The following LRRC8A variants were observed in gnomAD, a reference collection of about 807,000 sequenced individuals.
LRRC8A encodes the protein volume-regulated anion channel subunit LRRC8A.
A neutral mutation model predicts 52.5 loss-of-function variants in LRRC8A; 24 were observed. That is an observed-to-expected ratio of 0.46 (90% CI 0.33 to 0.64). The LOEUF (loss-of-function observed/expected upper bound fraction) is 0.64, where lower values mean the gene tolerates loss of function less well. Ranked by LOEUF, LRRC8A falls within the 30% of genes least tolerant of loss-of-function variation. The probability of loss-of-function intolerance (pLI) is 0.02; values close to 1 mark genes in which losing one functional copy is unlikely to be tolerated. For missense variants in LRRC8A, 677 were observed against 1,094.7 expected, an observed-to-expected ratio of 0.62 and a Z score of 5.38; for synonymous variants, 492 against 494.2, an observed-to-expected ratio of 1.00 and a Z score of 0.06.
intron 1 of LRRC8A, chr9:128,884,908 TGCCCTCCCA>T: frequency 6.6e-6 from 1 of 152,522 alleles, no homozygotes; most frequent in South Asian, 2.1e-4. Flanking sequence ...CTTCCATGTC[TGCCCTCCCA>T]GCACAGGGCC....
At chr9:128,897,446 G>C (rs1020215598) in intron 2 of LRRC8A, among the ~76,000 whole-genome samples, 10 of 151,802 alleles carry the variant, frequency 6.6e-5, no homozygotes, top group Non-Finnish European at 4.4e-5. Flanking sequence ...CTCCTGAGGT[G>C]ATCAGCCCAC....
At chr9:128,893,209 C>G (rs1021744768) in intron 2 of LRRC8A, among the ~76,000 whole-genome samples, 2 of 151,980 alleles carry the variant, frequency 1.3e-5, no homozygotes, top group African/African-American at 4.8e-5. Flanking sequence ...CGAGGTTCTG[C>G]GAGTCCTGGG....
Position 128,902,109 on chromosome 9 carries a change from G to C in LRRC8A, c.-8-5048G>C, listed in dbSNP as rs2130992788. On this transcript the variant is annotated intron_variant, in intron 2 of 3. Coordinates refer to ENST00000372600, the MANE Select transcript of LRRC8A (RefSeq NM_019594.4). This position sits in a 1 kb window ranked among gnomAD's most constrained non-coding sequence, Gnocchi z 4.1. ...CTTCTCAGCTCTGCAGCCAGCCCCA[G>C]GCTCTGCCATTGGAACCCCAGGGCC... Among the ~76,000 whole-genome samples, 1 of 152,344 alleles carries C rather than the reference G, an allele frequency of 6.6e-6. No homozygotes were observed. The highest frequency in any genetic ancestry group is 2.1e-4 in the South Asian group (1 of 4,830).
At chr9:128,895,291 G>A (rs1839780764) in intron 2 of LRRC8A, among the ~76,000 whole-genome samples, 1 of 152,192 alleles carries the variant, frequency 6.6e-6, no homozygotes, top group Non-Finnish European at 1.5e-5. Flanking sequence ...GGAGGTTGCA[G>A]TGAGCCAAGA....
rs762092635 is a variant in LRRC8A, at chr9:128,907,479, G to C, written c.315G>C (p.Gln105His). The C allele has an allele frequency of 6.2e-7, 1 of 1,614,028 alleles. No individual in the cohort carries two copies. The highest frequency in any genetic ancestry group is 1.1e-5 in the South Asian group (1 of 91,084). Residue 105 changes from glutamine to histidine, a missense_variant, in exon 3 of 4, where the codon CAG becomes CAC. Gln to His is a conservative substitution (Grantham distance 24). Around this residue, in one of 4 missense-constraint regions of LRRC8A, gnomAD observed 422 missense variants for 741.5 expected, o/e 0.57. Transcript: ENST00000372600. This position sits in a 1 kb window ranked among gnomAD's most constrained non-coding sequence, Gnocchi z 9.3. The part of the protein sequence containing the change: ...TGIKYDLDRH[Q>H]YNYVDAVCYE... ...TCAAGTATGACCTGGACCGGCACCA[G>C]TACAACTACGTGGACGCTGTGTGCT...
rs1381660614 is a variant in LRRC8A at position 128,908,204 on chromosome 9, C to T, written c.1040C>T (p.Ser347Phe). ...ACACTGTGGTGGATGCTACGGCGCTCCCTCAAGAAGTACTCGTTTGAGTCG... is the reference window on the plus strand; with the variant it reads ...ACACTGTGGTGGATGCTACGGCGCTTCCTCAAGAAGTACTCGTTTGAGTCG... ...MYTLWWMLRR[S>F]LKKYSFESIR... Residue 347 changes from serine to phenylalanine, a missense_variant, in exon 3 of 4, where the codon TCC becomes TTC. By Grantham distance (155) the Ser-to-Phe change is radical. Coordinates refer to ENST00000372600, the MANE Select transcript of LRRC8A (RefSeq NM_019594.4). 6 of 1,613,956 alleles carry T rather than the reference C, an allele frequency of 3.7e-6. No homozygotes were observed. The highest frequency in any genetic ancestry group is 5.1e-6 in the Non-Finnish European group (6 of 1,180,040).
chr9:128,904,973 A>G lies in LRRC8A; in HGVS notation c.-8-2184A>G, dbSNP rs558302612. Among the ~76,000 whole-genome samples, 587 of 142,958 alleles carry G rather than the reference A, an allele frequency of 4.1e-3. 2 individuals carry two copies. Among genetic ancestry groups the G allele is most frequent in the Non-Finnish European group, 6.5e-3 (429 of 65,986 alleles). The allele number at this position is 142,958 out of a possible 152,430, so 93.8% of individuals were successfully genotyped here. A position where few individuals can be genotyped will look rare whatever the true frequency, so the allele number is the denominator to read the frequency against. Reference sequence around the variant, plus strand: ...AGATCGCACCACTGCACTCCAGCCTAGGCAACAGAGCGAGACTCCGTCTCA... The same window carrying G: ...AGATCGCACCACTGCACTCCAGCCTGGGCAACAGAGCGAGACTCCGTCTCA... On this transcript the variant is annotated intron_variant, in intron 2 of 3. Transcript: ENST00000372600.
At chr9:128,905,661 C>T (rs1260867378) in intron 2 of LRRC8A, among the ~76,000 whole-genome samples, 4 of 152,096 alleles carry the variant, frequency 2.6e-5, no homozygotes, top group South Asian at 4.1e-4. Context: ...TGGTCAACAT[C>T]GTGAAACCTT....
rs1480384413 is a variant in LRRC8A, at chr9:128,892,794, C to T, written c.-9+6673C>T. On this transcript the variant is annotated intron_variant, in intron 2 of 3. Coordinates refer to ENST00000372600, the MANE Select transcript of LRRC8A (RefSeq NM_019594.4). This position sits in a 1 kb window ranked among gnomAD's most constrained non-coding sequence, Gnocchi z 5.2. ...GGGCCTGTTGAGAGCGGCCCCTTCG[C>T]GCTCCCTGGGAGAGCACTGGAGGGC... Among the ~76,000 whole-genome samples, 1 of 152,180 alleles carries T rather than the reference C, an allele frequency of 6.6e-6. No individual in the cohort carries two copies. The highest frequency in any genetic ancestry group is 1.5e-5 in the Non-Finnish European group (1 of 68,034).
chr9:128,891,221 G>A (rs1276726954), intron 2 of LRRC8A, among the ~76,000 whole-genome samples: 2 of 152,010 alleles, frequency 1.3e-5, no homozygotes, highest in African/African-American at 2.4e-5. Context: ...GCAGTGAGCC[G>A]AGATTGTGCC....
chr9:128,908,040 C>T lies in LRRC8A; in HGVS notation c.876C>T (p.Asp292=), dbSNP rs376544810. The change falls in exon 3 of 4, where the codon GAC becomes GAT. Residue 292 remains aspartate, a synonymous_variant. Transcript: ENST00000372600. ...ACTACGTGCACAACATCAAGTTCGA[C>T]GTGGACTGCACCGTGGACATTGAGA... The part of the protein sequence containing the change: ...TVYYVHNIKF[D]VDCTVDIESL... The T allele has an allele frequency of 9.3e-6, 15 of 1,614,000 alleles. No homozygotes were observed. Among genetic ancestry groups the T allele is most frequent in the Middle Eastern group, 1.6e-4 (1 of 6,084 alleles).
chr9:128,899,918 A>C lies in LRRC8A; in HGVS notation c.-8-7239A>C, dbSNP rs1051082199. 1.3e-5 allele frequency among the ~76,000 whole-genome samples: 2 copies of C among 152,204 alleles called. No individual in the cohort carries two copies. Among genetic ancestry groups the C allele is most frequent in the African/African-American group, 4.8e-5 (2 of 41,436 alleles). On this transcript the variant is annotated intron_variant, in intron 2 of 3. Transcript: ENST00000372600. The surrounding 1 kb of genome is among the most constrained non-coding windows in gnomAD (Gnocchi z 4.0). ...GTTACATGTGTTTTATGACAGTCTA[A>C]AAAAATTGAGGGGAAAAAATGGACC...
rs1360374378 is a variant in LRRC8A, at chr9:128,916,597, A to T, written c.*226A>T. On this transcript the variant is annotated 3_prime_UTR_variant, in exon 4 of 4. Transcript: ENST00000372600. This position sits in a 1 kb window ranked among gnomAD's most constrained non-coding sequence, Gnocchi z 6.1. The stretch of plus-strand genomic sequence containing the variant: ...CGTCCCCCAGGGCAAGTGCTTGTGG[A>T]GGAGAGCAAGTCTCAAGAGCGCAGT... 1 of 584,126 alleles carries T rather than the reference A, an allele frequency of 1.7e-6. No homozygotes were observed. The highest frequency in any genetic ancestry group is 3.0e-6 in the Non-Finnish European group (1 of 335,418). 36.2% of individuals were successfully genotyped at this position (584,126 alleles called of 1,614,324 possible).
intron 2 of LRRC8A, among the ~76,000 whole-genome samples, chr9:128,895,389 A>T (rs1839784901): frequency 6.6e-6 from 1 of 152,248 alleles, no homozygotes; most frequent in Admixed American, 6.5e-5. Context: ...GCAGAGGCTT[A>T]GGCTAAACAA....
intron 2 of LRRC8A, among the ~76,000 whole-genome samples, chr9:128,903,089 T>C (rs550308282): frequency 6.6e-6 from 1 of 152,298 alleles, no homozygotes; most frequent in African/African-American, 2.4e-5. Context: ...TACTCTACTC[T>C]GCCCCTTAAT....
chr9:128,915,699 G>C (rs898470400), intron 3 of LRRC8A, among the ~76,000 whole-genome samples: 1 of 152,210 alleles, frequency 6.6e-6, no homozygotes, highest in Non-Finnish European at 1.5e-5. Context: ...CAACAGCCTG[G>C]CTCCTGGTGA....
chr9:128,898,899 C>T (rs751935974), intron 2 of LRRC8A, among the ~76,000 whole-genome samples: 44 of 152,226 alleles, frequency 2.9e-4, no homozygotes, highest in Admixed American at 1.3e-3. Context: ...TGTCACCTTC[C>T]GCCATGTTAC....
rs1350458234 is a variant in LRRC8A at position 128,911,388 on chromosome 9, CG to C, written c.2157+2070del. Reference sequence around the variant, plus strand: ...AGGGCAGGGTTTTCTCTTGTAGTTTCGGGACAGGCCCACTGAATAGGAAAAC... The same window carrying C: ...AGGGCAGGGTTTTCTCTTGTAGTTTCGGACAGGCCCACTGAATAGGAAAAC... On this transcript the variant is annotated intron_variant, in intron 3 of 3. Transcript: ENST00000372600. This position sits in a 1 kb window ranked among gnomAD's most constrained non-coding sequence, Gnocchi z 4.9. Among the ~76,000 whole-genome samples the C allele has an allele frequency of 2.0e-5, 3 of 152,188 alleles. No individual in the cohort carries two copies. Among genetic ancestry groups the C allele is most frequent in the Non-Finnish European group, 2.9e-5 (2 of 68,022 alleles).
At position 128,907,387 on chromosome 9, in the gene LRRC8A, C is replaced by T; in HGVS notation, c.223C>T (p.Pro75Ser). ...CNDSFRGWAA[P>S]GPEPTYPNST... is the part of the protein sequence containing the mutation. ...TGATTCGTTCCGGGGCTGGGCAGCC[C>T]CTGGCCCGGAGCCCACCTACCCCAA... The change falls in exon 3 of 4, where the codon CCT becomes TCT. Residue 75 changes from proline (P) to serine (S), a missense_variant. This residue lies in a region of LRRC8A where 54 missense variants were observed against 49.7 expected (regional missense o/e 1.09). Transcript: ENST00000372600. The surrounding 1 kb of genome is among the most constrained non-coding windows in gnomAD (Gnocchi z 9.3). The T allele has an allele frequency of 6.2e-7, 1 of 1,613,494 alleles. No individual in the cohort carries two copies. The highest frequency in any genetic ancestry group is 8.5e-7 in the Non-Finnish European group (1 of 1,180,016).
Sources: gnomAD v4.1 joint callset for allele counts (sites outside exome capture counted in the v4.1 genomes callset) on GRCh38, gnomAD v4.1.1 for gene constraint, gnomAD v4.1.1 regional missense constraint, Gnocchi (gnomAD v3.1) non-coding constraint, MANE v1.5 for transcripts, NCBI Gene and HGNC (gene_info 2026-07-23, HGNC 2026-07-21) for gene names.